RAB3C: variants seen among roughly 807,000 people sequenced by gnomAD.
RAB3C encodes the protein ras-related protein Rab-3C.
Under a neutral mutation model 26.4 loss-of-function variants are expected in RAB3C, and 17 were observed. The ratio of observed to expected loss-of-function variants is 0.64; its 90% CI spans 0.44 to 0.97. The LOEUF (loss-of-function observed/expected upper bound fraction) is 0.97. Among genes scored for constraint, RAB3C ranks in the 50% least tolerant of loss-of-function variants. The pLI is 0.00. For missense variants in RAB3C, 242 were observed against 281.9 expected (o/e 0.86, Z 1.01); for synonymous variants, 91 against 95.9 (o/e 0.95, Z 0.30).
chr5:58,835,076 G>A (rs1435423806), intron 4 of RAB3C, among the ~76,000 whole-genome samples: 16 of 152,038 alleles, frequency 1.1e-4, no homozygotes, highest in Admixed American at 9.2e-4. Context: ...GAGAACAAAT[G>A]GTATGGTTAT....
chr5:58,726,745 T>G lies in RAB3C; in HGVS notation c.371+625T>G, dbSNP rs571618038. Among the ~76,000 whole-genome samples the G allele has an allele frequency of 3.9e-5, 6 of 152,124 alleles. No individual in the cohort carries two copies. In the South Asian group the frequency reaches 1.2e-3, roughly 32 times the overall value. ...AAGGATAAGATAAAACCAAAACTTT[T>G]TCTGACTCATAGCTGCATGAAACTA... On this transcript the variant is annotated intron_variant, in intron 3 of 4. Transcript: ENST00000282878.
intron 4 of RAB3C, among the ~76,000 whole-genome samples, chr5:58,832,257 C>T (rs1034717615): frequency 3.3e-5 from 5 of 152,110 alleles, no homozygotes; most frequent in East Asian, 1.9e-4. Flanking sequence ...TACAACAGAA[C>T]GTAATTATTA....
chr5:58,651,953 ATTG>A (rs150309006), intron 2 of RAB3C, among the ~76,000 whole-genome samples: 69,514 of 151,650 alleles, frequency 0.46, 17,251 homozygotes, highest in African/African-American at 0.67. Context: ...ATAATGTTGT[ATTG>A]TTATTTGTAT....
intron 3 of RAB3C, among the ~76,000 whole-genome samples, chr5:58,749,183 T>G (rs895771365): frequency 6.6e-6 from 1 of 152,222 alleles, no homozygotes; most frequent in Non-Finnish European, 1.5e-5. Context: ...TTTTCTTCTA[T>G]TGTCTAATCT....
chr5:58,692,143 G>A (rs1393121758), intron 2 of RAB3C, among the ~76,000 whole-genome samples: 2 of 152,152 alleles, frequency 1.3e-5, no homozygotes, highest in Non-Finnish European at 2.9e-5. Context: ...TCACAGCAAT[G>A]AAAGAATAAG....
chr5:58,616,074 A>G (rs1746820104), intron 1 of RAB3C, among the ~76,000 whole-genome samples: 1 of 151,850 alleles, frequency 6.6e-6, no homozygotes. Flanking sequence ...TGTTTCTAAC[A>G]TTTTTCCATC....
At chr5:58,685,224 A>T (rs1748420056) in intron 2 of RAB3C, among the ~76,000 whole-genome samples, 1 of 152,140 alleles carries the variant, frequency 6.6e-6, no homozygotes, top group Non-Finnish European at 1.5e-5. Context: ...TTTCCCTCAG[A>T]TAAGGGACAA....
At chr5:58,653,373 T>G (rs1747700711) in intron 2 of RAB3C, among the ~76,000 whole-genome samples, 2 of 152,194 alleles carry the variant, frequency 1.3e-5, no homozygotes, top group Admixed American at 6.6e-5. Flanking sequence ...GATCAACCAT[T>G]GTAGAAGACA....
chr5:58,839,349 TTTTATTTATTTA>T (rs59909509), intron 4 of RAB3C, among the ~76,000 whole-genome samples: 1 of 98,784 alleles, frequency 1.0e-5, no homozygotes, highest in Non-Finnish European at 2.5e-5. Context: ...TAAGTTTTTA[TTTTATTTATTTA>T]TTTATTTATT....
At position 58,853,512 on chromosome 5, in the gene RAB3C, A is replaced by G. The variant is rs962545494; in HGVS notation, c.*2161A>G. 1.3e-5 allele frequency: 2 copies of G among 152,202 alleles called. No individual in the cohort carries two copies. The highest frequency in any genetic ancestry group is 2.9e-5 in the Non-Finnish European group (2 of 68,036). 9.4% of individuals were successfully genotyped at this position (152,202 alleles called of 1,614,324 possible). A position where few individuals can be genotyped will look rare whatever the true frequency, so the allele number is the denominator to read the frequency against. On this transcript the variant is annotated 3_prime_UTR_variant, in exon 5 of 5. Coordinates refer to ENST00000282878, the MANE Select transcript of RAB3C (RefSeq NM_138453.4). The stretch of plus-strand genomic sequence containing the variant: ...AAAATGAAAAGCAAAATGAGACAGT[A>G]TTTAAAAGTGAAAGAGCAGAGTTTT...
upstream of RAB3C, chr5:58,583,045 G>T (rs893297899): frequency 6.9e-7 from 1 of 1,456,064 alleles, no homozygotes; most frequent in African/African-American, 1.4e-5. Context: ...TCGGCAGTAC[G>T]CGTGTGCGGC....
Position 58,823,032 on chromosome 5 carries a change from A to T in RAB3C, c.372-2006A>T, listed in dbSNP as rs921124707. 4 of 592,598 alleles carry T rather than the reference A, an allele frequency of 6.7e-6. No homozygotes were observed. The African/African-American group carries it at 7.4e-5, about 11-fold the overall frequency. The allele number at this position is 592,598 out of a possible 1,614,324, so 36.7% of individuals were successfully genotyped here. Reference sequence around the variant, plus strand: ...GTTGATAAAGGCTGTTCTGTCCCTCACAGTACCAGATGATTCCCTGCTTGT... The same window carrying T: ...GTTGATAAAGGCTGTTCTGTCCCTCTCAGTACCAGATGATTCCCTGCTTGT... On this transcript the variant is annotated intron_variant, in intron 3 of 4. Transcript: ENST00000282878.
At chr5:58,838,669 C>A (rs1743803072) in intron 4 of RAB3C, among the ~76,000 whole-genome samples, 1 of 152,056 alleles carries the variant, frequency 6.6e-6, no homozygotes, top group South Asian at 2.1e-4. Context: ...TATTCTGCAG[C>A]TGTTGTGTGA....
intron 2 of RAB3C, among the ~76,000 whole-genome samples, chr5:58,700,099 C>T (rs187578198): frequency 1.4e-4 from 22 of 152,278 alleles, no homozygotes; most frequent in South Asian, 4.1e-4. Context: ...TATCTTGGAA[C>T]GCCCCCAATC....
chr5:58,744,251 T>C (rs1348080516), intron 3 of RAB3C, among the ~76,000 whole-genome samples: 1 of 152,168 alleles, frequency 6.6e-6, no homozygotes, highest in African/African-American at 2.4e-5. Flanking sequence ...TCAAGTAGTG[T>C]CCCCTGGAAG....
intron 2 of RAB3C, among the ~76,000 whole-genome samples, chr5:58,691,729 G>C (rs1748574103): frequency 6.6e-6 from 1 of 152,108 alleles, no homozygotes; most frequent in Non-Finnish European, 1.5e-5. Flanking sequence ...GTGGGTGTTT[G>C]ATCTCAAAAT....
chr5:58,687,469 C>T (rs937113959), intron 2 of RAB3C, among the ~76,000 whole-genome samples: 1 of 152,132 alleles, frequency 6.6e-6, no homozygotes. Context: ...AAAACAACAA[C>T]AACAGAAGTA....
At chr5:58,660,844 C>T (rs1040814271) in intron 2 of RAB3C, among the ~76,000 whole-genome samples, 4 of 150,040 alleles carry the variant, frequency 2.7e-5, no homozygotes, top group African/African-American at 1.0e-4. Flanking sequence ...GCACTCTTAC[C>T]TGGCATGGAC....
At chr5:58,775,175 TTCAC>T (rs1441007023) in intron 3 of RAB3C, among the ~76,000 whole-genome samples, 1 of 152,104 alleles carries the variant, frequency 6.6e-6, no homozygotes, top group Admixed American at 6.6e-5. Context: ...AAAGGACTGT[TTCAC>T]TCATCGCCTC....
Sources: allele counts gnomAD v4.1 joint callset (sites outside exome capture counted in the v4.1 genomes callset), GRCh38; gene constraint gnomAD v4.1.1; transcripts MANE v1.5; gene names NCBI Gene and HGNC (gene_info 2026-07-23, HGNC 2026-07-21).